LNPEP: variants seen among roughly 807,000 people sequenced by gnomAD.
LNPEP encodes leucyl-cystinyl aminopeptidase.
Under a neutral mutation model 120.6 loss-of-function variants are expected in LNPEP, and 64 were observed. The observed-to-expected ratio is 0.53, with a 90% CI of 0.43 to 0.65. The LOEUF (loss-of-function observed/expected upper bound fraction) is 0.65, where lower values mean the gene tolerates loss of function less well. LNPEP is among the 30% of genes least tolerant of loss of function. LNPEP has a pLI of 0.00. For synonymous variants in LNPEP, 435 were observed against 425.4 expected (o/e 1.02, Z -0.28); for missense variants, 1,057 against 1,200.0 (o/e 0.88, Z 1.76).
intron 1 of LNPEP, among the ~76,000 whole-genome samples, chr5:96,960,483 A>G (rs1481094741): frequency 1.3e-5 from 2 of 152,184 alleles, no homozygotes; most frequent in Non-Finnish European, 2.9e-5. Context: ...ATTGAAATGC[A>G]TTTTAGGCAA....
chr5:96,949,877 CTT>C (rs1789283956), intron 1 of LNPEP, among the ~76,000 whole-genome samples: 1 of 152,186 alleles, frequency 6.6e-6, no homozygotes, highest in African/African-American at 2.4e-5. Flanking sequence ...TGTTTGGACT[CTT>C]AAATTAGAGG....
chr5:97,025,632 A>G (rs1005581564), intron 15 of LNPEP, among the ~76,000 whole-genome samples: 1 of 152,182 alleles, frequency 6.6e-6, no homozygotes, highest in Non-Finnish European at 1.5e-5. Context: ...TGGTCTTTGT[A>G]TTCATCTGTG....
rs368713085 is a variant in LNPEP at position 97,015,128 on chromosome 5, T to G, written c.2376+33T>G. 163 of 1,466,224 alleles carry G rather than the reference T, an allele frequency of 1.1e-4. 2 individuals are homozygous for G. Among genetic ancestry groups the G allele is most frequent in the Non-Finnish European group, 1.5e-4 (160 of 1,094,496 alleles). 90.8% of individuals were successfully genotyped at this position (1,466,224 alleles called of 1,614,324 possible). On this transcript the variant is annotated intron_variant, in intron 13 of 17. Coordinates refer to ENST00000231368, the MANE Select transcript of LNPEP (RefSeq NM_005575.3). Reference sequence around the variant, plus strand: ...TGCCTTTTTGCCAGCTTCTTGCTGTTTATCTTTAATATTGTTATTCATGGT... The same window carrying G: ...TGCCTTTTTGCCAGCTTCTTGCTGTGTATCTTTAATATTGTTATTCATGGT...
At chr5:97,000,615 T>A in intron 8 of LNPEP, among the ~76,000 whole-genome samples, 1 of 152,230 alleles carries the variant, frequency 6.6e-6, no homozygotes. Flanking sequence ...CCGTGGTAGA[T>A]GGCATTTCAC....
chr5:96,980,066 G>A lies in LNPEP; in HGVS notation c.860+88G>A. 2 of 1,293,980 alleles carry A rather than the reference G, an allele frequency of 1.5e-6. 1 individual carries two copies. Among genetic ancestry groups the A allele is most frequent in the South Asian group, 3.1e-5 (2 of 64,762 alleles). The allele number at this position is 1,293,980 out of a possible 1,614,324, so 80.2% of individuals were successfully genotyped here. A position where few individuals can be genotyped will look rare whatever the true frequency, so the allele number is the denominator to read the frequency against. ...TTTGTCCACACCAGAGACACGAATT[G>A]TGATTTTTTTTTTTAATTTAGGAAG... On this transcript the variant is annotated intron_variant, in intron 2 of 17. Transcript: ENST00000231368.
chr5:96,999,857 T>G (rs369257390), intron 8 of LNPEP, among the ~76,000 whole-genome samples: 5 of 151,928 alleles, frequency 3.3e-5, no homozygotes, highest in African/African-American at 1.2e-4. Context: ...CTTATCAGTA[T>G]TGTGTGCAAG....
At chr5:97,001,482 A>G (rs1027429201) in intron 8 of LNPEP, among the ~76,000 whole-genome samples, 12 of 152,162 alleles carry the variant, frequency 7.9e-5, no homozygotes, top group Non-Finnish European at 1.3e-4. Flanking sequence ...AAATGGAGAT[A>G]CCACACAGGC....
rs573801127 is a variant in LNPEP at position 96,985,158 on chromosome 5, C to T, written c.939C>T (p.Ala313=). 1 of 1,613,812 alleles carries T rather than the reference C, an allele frequency of 6.2e-7. No individual in the cohort carries two copies. Among genetic ancestry groups the T allele is most frequent in the South Asian group, 1.1e-5 (1 of 91,072 alleles). ...GTTTTGATGAACCAGCATTTAAAGCCACTTTTATCATCAAGATCATAAGGG... is the reference window on the plus strand; with the variant it reads ...GTTTTGATGAACCAGCATTTAAAGCTACTTTTATCATCAAGATCATAAGGG... ...FPCFDEPAFK[A]TFIIKIIRDE... is the part of the protein sequence containing the mutation. Residue 313 remains alanine (A), a synonymous_variant, in exon 3 of 18, where the codon GCC becomes GCT. Coordinates refer to ENST00000231368, the MANE Select transcript of LNPEP (RefSeq NM_005575.3).
intron 1 of LNPEP, among the ~76,000 whole-genome samples, chr5:96,938,335 C>T (rs1020600086): frequency 3.3e-5 from 5 of 152,112 alleles, no homozygotes; most frequent in Non-Finnish European, 2.9e-5. Context: ...TTTTGTTACA[C>T]GTTCATCCTC....
intron 13 of LNPEP, among the ~76,000 whole-genome samples, chr5:97,020,892 G>A (rs1255264202): frequency 6.6e-6 from 1 of 152,054 alleles, no homozygotes; most frequent in African/African-American, 2.4e-5. Flanking sequence ...TGCATATGAT[G>A]CTTTTTAAAA....
intron 1 of LNPEP, among the ~76,000 whole-genome samples, chr5:96,944,418 A>G (rs1337529965): frequency 6.6e-6 from 1 of 152,090 alleles, no homozygotes; most frequent in Non-Finnish European, 1.5e-5. Flanking sequence ...TTTTAGGGAG[A>G]CAGAAGTTAT....
At chr5:96,995,840 C>G (rs1256776533) in intron 6 of LNPEP, among the ~76,000 whole-genome samples, 1 of 152,088 alleles carries the variant, frequency 6.6e-6, no homozygotes, top group Non-Finnish European at 1.5e-5. Flanking sequence ...TCAACTTAGT[C>G]TTAAGGAATG....
intron 1 of LNPEP, among the ~76,000 whole-genome samples, chr5:96,947,512 G>A (rs894100411): frequency 2.0e-5 from 3 of 152,052 alleles, no homozygotes; most frequent in African/African-American, 7.2e-5. Flanking sequence ...ATTTATTCCC[G>A]TGCTATTTGT....
rs1322182560 is a variant in LNPEP at position 97,032,019 on chromosome 5, A to T, written c.*3486A>T. On this transcript the variant is annotated 3_prime_UTR_variant, in exon 18 of 18. Transcript: ENST00000231368. ...ATAATCTGCCATCAGATTGCTAAACATTCACATAATCCCCATGTTTCATGG... is the reference window on the plus strand; with the variant it reads ...ATAATCTGCCATCAGATTGCTAAACTTTCACATAATCCCCATGTTTCATGG... 1.3e-5 allele frequency: 2 copies of T among 152,214 alleles called. No homozygotes were observed. The highest frequency in any genetic ancestry group is 2.9e-5 in the Non-Finnish European group (2 of 68,040). 9.4% of individuals were successfully genotyped at this position (152,214 alleles called of 1,614,324 possible). A position where few individuals can be genotyped will look rare whatever the true frequency, so the allele number is the denominator to read the frequency against.
rs1393609130 is a variant in LNPEP at position 97,037,319 on chromosome 5, A to G, written c.*8786A>G. Reference sequence around the variant, plus strand: ...TTGTATCATAATCTGTCTTTTGTGAAACATTTTGAAAATATGTATATATAA... The same window carrying G: ...TTGTATCATAATCTGTCTTTTGTGAGACATTTTGAAAATATGTATATATAA... On this transcript the variant is annotated 3_prime_UTR_variant, in exon 18 of 18. Coordinates refer to ENST00000231368, the MANE Select transcript of LNPEP (RefSeq NM_005575.3). The G allele has an allele frequency of 6.6e-6, 1 of 152,134 alleles. No individual in the cohort carries two copies. Among genetic ancestry groups the G allele is most frequent in the Admixed American group, 6.6e-5 (1 of 15,240 alleles). 9.4% of individuals were successfully genotyped at this position (152,134 alleles called of 1,614,324 possible).
chr5:96,993,256 A>G, intron 5 of LNPEP, 121 bp downstream of exon 5: 1 of 631,476 alleles, frequency 1.6e-6, no homozygotes, highest in Non-Finnish European at 2.6e-6. Context: ...ACCATTATTA[A>G]TGCTTTAAAA....
intron 8 of LNPEP, among the ~76,000 whole-genome samples, chr5:97,001,191 A>C (rs761278163): frequency 6.6e-6 from 1 of 152,194 alleles, no homozygotes; most frequent in Non-Finnish European, 1.5e-5. Context: ...ATGGGTGGCG[A>C]GATAATGGTA....
At chr5:96,969,343 G>A (rs1789805457) in intron 1 of LNPEP, among the ~76,000 whole-genome samples, 1 of 151,028 alleles carries the variant, frequency 6.6e-6, no homozygotes, top group Non-Finnish European at 1.5e-5. Flanking sequence ...GATTTACAAA[G>A]AAAATTTCCC....
chr5:96,995,525 T>C (rs1371886043), intron 6 of LNPEP, among the ~76,000 whole-genome samples: 2 of 151,944 alleles, frequency 1.3e-5, no homozygotes, highest in Admixed American at 1.3e-4. Flanking sequence ...ATATATGCCA[T>C]CTTTTTTTTT....
Sources: gnomAD v4.1 joint callset for allele counts (sites outside exome capture counted in the v4.1 genomes callset) on GRCh38, gnomAD v4.1.1 for gene constraint, MANE v1.5 for transcripts, NCBI Gene and HGNC (gene_info 2026-07-23, HGNC 2026-07-21) for gene names.